The following STAT4 variants were observed in gnomAD, a reference collection of about 807,000 sequenced individuals.
The protein encoded by STAT4 is signal transducer and activator of transcription 4.
A neutral mutation model predicts 110.5 loss-of-function variants in STAT4; 42 were observed. The observed-to-expected ratio is 0.38, with a 90% CI of 0.30 to 0.49. The LOEUF is 0.49. STAT4 is among the 20% of genes least tolerant of loss of function. The pLI is 0.95. For synonymous variants in STAT4, 284 were observed against 302.2 expected (o/e 0.94, Z 0.63); for missense variants, 632 against 887.9 (o/e 0.71, Z 3.66).
intron 3 of STAT4, among the ~76,000 whole-genome samples, chr2:191,132,953 A>G (rs1195290326): frequency 6.6e-6 from 1 of 151,054 alleles, no homozygotes; most frequent in Non-Finnish European, 1.5e-5. Context: ...ACGGGGTTTC[A>G]CCGTGTTAGC....
intron 14 of STAT4, among the ~76,000 whole-genome samples, chr2:191,045,305 G>A (rs1338698763): frequency 6.6e-6 from 1 of 152,166 alleles, no homozygotes; most frequent in African/African-American, 2.4e-5. Flanking sequence ...CTAAAAGTTT[G>A]TAAGAAAAAC....
chr2:191,149,594 A>G (rs1699542307), intron 1 of STAT4, among the ~76,000 whole-genome samples: 1 of 152,224 alleles, frequency 6.6e-6, no homozygotes. Context: ...TGAAGATCAA[A>G]TAGGCGAAAT....
chr2:191,112,459 A>T lies in STAT4; in HGVS notation c.273+34154T>A, dbSNP rs767946443. On this transcript the variant is annotated intron_variant, in intron 3 of 23. Transcript: ENST00000392320. The surrounding 1 kb of genome is among the most constrained non-coding windows in gnomAD (Gnocchi z 4.3). ...CCAGTGTATCTAGTAGTAAATGGTC[A>T]TCATTGTTCTAAGCCACATATATGC... Among the ~76,000 whole-genome samples, 9 of 152,226 alleles carry T rather than the reference A, an allele frequency of 5.9e-5. No homozygotes were observed. The highest frequency in any genetic ancestry group is 1.2e-4 in the Non-Finnish European group (8 of 68,030).
rs958063073 is a variant in STAT4 at position 191,077,678 on chromosome 2, A to G, written c.274-1353T>C. On this transcript the variant is annotated intron_variant, in intron 3 of 23. Transcript: ENST00000392320. This position sits in a 1 kb window ranked among gnomAD's most constrained non-coding sequence, Gnocchi z 4.1. ...TTTTGACTTTGACTTTGCTGCCACA[A>G]TTTTATTAAATGATGTCTGTTAATT... Among the ~76,000 whole-genome samples the G allele has an allele frequency of 1.3e-5, 2 of 152,182 alleles. No homozygotes were observed. Among genetic ancestry groups the G allele is most frequent in the Non-Finnish European group, 2.9e-5 (2 of 68,002 alleles).
chr2:191,035,827 C>T lies in STAT4; in HGVS notation c.1570+337G>A, dbSNP rs1696028290. 1.3e-5 allele frequency among the ~76,000 whole-genome samples: 2 copies of T among 152,164 alleles called. No individual in the cohort carries two copies. Among genetic ancestry groups the T allele is most frequent in the Non-Finnish European group, 2.9e-5 (2 of 68,020 alleles). ...ATTTAGTGGAAATATACCCTGGAGA[C>T]TGGGGTGGGGAATAGACAAGGAGGG... is the stretch of plus-strand genomic sequence containing the variant. On this transcript the variant is annotated intron_variant, in intron 17 of 23. Transcript: ENST00000392320. This position sits in a 1 kb window ranked among gnomAD's most constrained non-coding sequence, Gnocchi z 4.7.
chr2:191,048,975 A>G (rs1490465756), intron 14 of STAT4, among the ~76,000 whole-genome samples: 4 of 151,840 alleles, frequency 2.6e-5, no homozygotes, highest in African/African-American at 7.3e-5. Flanking sequence ...TTCTAAAGAA[A>G]AATACCCATT....
In STAT4 at chr2:191,131,286, T is replaced by G. The variant is rs1014403008; in HGVS notation, c.273+15327A>C. 1.3e-5 allele frequency among the ~76,000 whole-genome samples: 2 copies of G among 151,814 alleles called. 1 individual carries two copies. The highest frequency in any genetic ancestry group is 4.9e-5 in the African/African-American group (2 of 41,078). On this transcript the variant is annotated intron_variant, in intron 3 of 23. Coordinates refer to ENST00000392320, the MANE Select transcript of STAT4 (RefSeq NM_003151.4). Reference sequence around the variant, plus strand: ...TAAGAATGTTCACAGTAACGTTGTTTGCAATAGCAAAGAAATACAGGAAAT... The same window carrying G: ...TAAGAATGTTCACAGTAACGTTGTTGGCAATAGCAAAGAAATACAGGAAAT...
Position 191,059,592 on chromosome 2 carries a change from C to T in STAT4, c.1035-823G>A, listed in dbSNP as rs1696794759. Among the ~76,000 whole-genome samples the T allele has an allele frequency of 6.6e-6, 1 of 152,188 alleles. No homozygotes were observed. Among genetic ancestry groups the T allele is most frequent in the Non-Finnish European group, 1.5e-5 (1 of 68,042 alleles). ...CTTAGGTACTAGAGAACTGATGTAGCAAAGACTGCAGAAGGGAGAAACGTG... is the reference window on the plus strand; with the variant it reads ...CTTAGGTACTAGAGAACTGATGTAGTAAAGACTGCAGAAGGGAGAAACGTG... On this transcript the variant is annotated intron_variant, in intron 10 of 23. Transcript: ENST00000392320. The surrounding 1 kb of genome is among the most constrained non-coding windows in gnomAD (Gnocchi z 4.7).
In STAT4 at chr2:191,113,341, T is replaced by C. The variant is rs1698479929; in HGVS notation, c.273+33272A>G. On this transcript the variant is annotated intron_variant, in intron 3 of 23. Coordinates refer to ENST00000392320, the MANE Select transcript of STAT4 (RefSeq NM_003151.4). The surrounding 1 kb of genome is among the most constrained non-coding windows in gnomAD (Gnocchi z 4.8). ...CTTTGCATCTGAACTTGTCTCTTAG[T>C]ACCTATATTACAGTTGTTCCTTTGA... Among the ~76,000 whole-genome samples the C allele has an allele frequency of 6.6e-6, 1 of 152,254 alleles. No homozygotes were observed. The highest frequency in any genetic ancestry group is 6.5e-5 in the Admixed American group (1 of 15,282).
At chr2:191,069,639 A>G (rs1439531907) in intron 6 of STAT4, 54 bp downstream of exon 6, 1 of 1,358,914 alleles carries the variant, frequency 7.4e-7, no homozygotes, top group African/African-American at 1.5e-5. Context: ...AGAAAACTCT[A>G]CTCAAGATGC....
intron 6 of STAT4, 66 bp downstream of exon 6, chr2:191,069,627 T>C (rs1697087308): frequency 2.5e-6 from 3 of 1,222,066 alleles, no homozygotes; most frequent in Non-Finnish European, 3.6e-6. Flanking sequence ...ACTCTGTCAG[T>C]GAGAAAACTC....
chr2:191,077,425 T>G lies in STAT4; in HGVS notation c.274-1100A>C, dbSNP rs1230621257. Among the ~76,000 whole-genome samples the G allele has an allele frequency of 6.6e-6, 1 of 152,184 alleles. No homozygotes were observed. The highest frequency in any genetic ancestry group is 1.5e-5 in the Non-Finnish European group (1 of 68,036). On this transcript the variant is annotated intron_variant, in intron 3 of 23. Coordinates refer to ENST00000392320, the MANE Select transcript of STAT4 (RefSeq NM_003151.4). This position sits in a 1 kb window ranked among gnomAD's most constrained non-coding sequence, Gnocchi z 4.1. ...TAAATTTCTTTGTTACTGGACTTTT[T>G]CCAGGGCAGGATTAACAGGAAGCAC...
intron 15 of STAT4, among the ~76,000 whole-genome samples, chr2:191,040,704 G>A (rs913858339): frequency 6.6e-6 from 1 of 152,102 alleles, no homozygotes; most frequent in African/African-American, 2.4e-5. Flanking sequence ...TGGGACTACA[G>A]GCACATGCCA....
At chr2:191,065,714 A>G (rs1304011523) in intron 7 of STAT4, among the ~76,000 whole-genome samples, 1 of 152,204 alleles carries the variant, frequency 6.6e-6, no homozygotes, top group East Asian at 1.9e-4. Flanking sequence ...TAAGTTTATA[A>G]TTAATTTAGG....
chr2:191,054,346 T>C (rs2125206508), intron 14 of STAT4, 144 bp downstream of exon 14: 1 of 654,532 alleles, frequency 1.5e-6, no homozygotes, highest in East Asian at 2.8e-5. Context: ...CCTCATATTG[T>C]CTGCAATTAT....
Position 191,032,609 on chromosome 2 carries a change from A to G in STAT4, c.2044+349T>C, listed in dbSNP as rs1695929723. On this transcript the variant is annotated intron_variant, in intron 21 of 23. Transcript: ENST00000392320. This position sits in a 1 kb window ranked among gnomAD's most constrained non-coding sequence, Gnocchi z 4.9. The stretch of plus-strand genomic sequence containing the variant: ...TTACTATTAAAAGCTTCTCATCATT[A>G]CCCCCTCTTTCTTTTCCTTTCCCTC... Among the ~76,000 whole-genome samples the G allele has an allele frequency of 6.6e-6, 1 of 152,022 alleles. No individual in the cohort carries two copies. Among genetic ancestry groups the G allele is most frequent in the Admixed American group, 6.6e-5 (1 of 15,258 alleles).
In STAT4 at chr2:191,083,719, C is replaced by T. The variant is rs939350486; in HGVS notation, c.274-7394G>A. On this transcript the variant is annotated intron_variant, in intron 3 of 23. Coordinates refer to ENST00000392320, the MANE Select transcript of STAT4 (RefSeq NM_003151.4). The surrounding 1 kb of genome is among the most constrained non-coding windows in gnomAD (Gnocchi z 4.6). ...ACTAGCTCTCTCTCCCTTTGCATCA[C>T]AAATACTGCTGTTGAGTCATTTTTA... 6.6e-5 allele frequency among the ~76,000 whole-genome samples: 10 copies of T among 152,148 alleles called. No individual in the cohort carries two copies. Among genetic ancestry groups the T allele is most frequent in the African/African-American group, 1.2e-4 (5 of 41,434 alleles).
At chr2:191,131,707 A>T in intron 3 of STAT4, 1 of 1,191,122 alleles carries the variant, frequency 8.4e-7, no homozygotes, top group African/African-American at 1.6e-5. Context: ...CAGTTTGCAA[A>T]AGCCAGAATT....
chr2:191,106,204 G>A (rs180730919), intron 3 of STAT4, among the ~76,000 whole-genome samples: 15 of 152,176 alleles, frequency 9.9e-5, no homozygotes, highest in Admixed American at 6.5e-4. Flanking sequence ...GAATACAGAC[G>A]TTACAAAAGA....
Sources: allele counts gnomAD v4.1 joint callset (sites outside exome capture counted in the v4.1 genomes callset), GRCh38; gene constraint gnomAD v4.1.1; non-coding constraint Gnocchi (gnomAD v3.1); transcripts MANE v1.5; gene names NCBI Gene and HGNC (gene_info 2026-07-23, HGNC 2026-07-21).